Variants in THEMIS observed in about 807,000 individuals in gnomAD.
The protein encoded by THEMIS is thymocyte selection associated.
In THEMIS, 37 loss-of-function variants were observed where a neutral mutation model predicts 52.6. The ratio of observed to expected loss-of-function variants is 0.70; its 90% CI spans 0.54 to 0.93. The LOEUF is 0.93. Ranked by LOEUF, THEMIS falls within the 40% of genes least tolerant of loss-of-function variation. The pLI is 0.00. For synonymous variants in THEMIS, 292 were observed against 272.7 expected (o/e 1.07, Z -0.70); for missense variants, 808 against 763.1 (o/e 1.06, Z -0.69).
In THEMIS at chr6:127,854,873, C is replaced by T. The variant is rs187963690; in HGVS notation, c.250+157G>A. Among the ~76,000 whole-genome samples, 165 of 151,882 alleles carry T rather than the reference C, an allele frequency of 1.1e-3. 3 individuals are homozygous for T. The highest frequency in any genetic ancestry group is 9.5e-3 in the Admixed American group (144 of 15,208). On this transcript the variant is annotated intron_variant, in intron 2 of 5. Transcript: ENST00000368248. ...AAGGAGAAAATAGTTGCTTTCCATTCGTTCTTAAAATGATCAAACTATAAC... is the reference window on the plus strand; with the variant it reads ...AAGGAGAAAATAGTTGCTTTCCATTTGTTCTTAAAATGATCAAACTATAAC...
intron 3 of THEMIS, among the ~76,000 whole-genome samples, chr6:127,829,140 T>G (rs1286988506): frequency 6.6e-6 from 1 of 152,208 alleles, no homozygotes; most frequent in Non-Finnish European, 1.5e-5. Flanking sequence ...TCATTCTAAC[T>G]AAATATGTTC....
At chr6:127,751,414 CA>C (rs1008288168) in intron 4 of THEMIS, among the ~76,000 whole-genome samples, 3 of 151,552 alleles carry the variant, frequency 2.0e-5, no homozygotes. Flanking sequence ...TAATCAATCA[CA>C]AAGAAAGGCA....
Position 127,779,005 on chromosome 6 carries a change from CAT to C in THEMIS, c.1758+33876_1758+33877del, listed in dbSNP as rs1157213064. Among the ~76,000 whole-genome samples, 3 of 152,156 alleles carry C rather than the reference CAT, an allele frequency of 2.0e-5. No homozygotes were observed. The East Asian group carries it at 5.8e-4, about 29-fold the overall frequency. ...TCATGTGTTATATCTGCAGGATGTACATAGTCAGTTGTTACAACATTATCTCT... is the reference window on the plus strand; with the variant it reads ...TCATGTGTTATATCTGCAGGATGTACAGTCAGTTGTTACAACATTATCTCT... On this transcript the variant is annotated intron_variant, in intron 4 of 5. Coordinates refer to ENST00000368248, the MANE Select transcript of THEMIS (RefSeq NM_001010923.3).
chr6:127,910,993 G>C (rs1393122887), intron 1 of THEMIS, among the ~76,000 whole-genome samples: 2 of 152,034 alleles, frequency 1.3e-5, no homozygotes, highest in Non-Finnish European at 2.9e-5. Flanking sequence ...GCATTTTGTA[G>C]AATGTGCCTC....
chr6:127,833,050 C>T (rs1414394566), intron 2 of THEMIS, among the ~76,000 whole-genome samples: 2 of 151,878 alleles, frequency 1.3e-5, no homozygotes, highest in Non-Finnish European at 2.9e-5. Flanking sequence ...TCCCAAAGTG[C>T]TGGGATTACA....
At chr6:127,799,869 G>T (rs971420132) in intron 4 of THEMIS, among the ~76,000 whole-genome samples, 2 of 152,146 alleles carry the variant, frequency 1.3e-5, no homozygotes, top group Non-Finnish European at 2.9e-5. Flanking sequence ...AATTGAGGAT[G>T]ATGTATTTCA....
At chr6:127,766,293 C>T (rs987104332) in intron 4 of THEMIS, among the ~76,000 whole-genome samples, 1 of 152,110 alleles carries the variant, frequency 6.6e-6, no homozygotes, top group Admixed American at 6.6e-5. Flanking sequence ...TTCCATGTAT[C>T]CTTTTTGCCT....
chr6:127,903,220 G>T (rs1487679462), upstream of THEMIS, among the ~76,000 whole-genome samples: 3 of 151,912 alleles, frequency 2.0e-5, no homozygotes, highest in Admixed American at 1.3e-4. Flanking sequence ...CACTGCTACT[G>T]CTTTAGACCA....
intron 4 of THEMIS, among the ~76,000 whole-genome samples, chr6:127,721,010 T>C (rs1362562905): frequency 2.6e-5 from 4 of 152,008 alleles, no homozygotes; most frequent in African/African-American, 9.7e-5. Context: ...ATGTGGCTTC[T>C]TCTGGCCCAA....
At chr6:127,801,055 T>G (rs1196391233) in intron 4 of THEMIS, among the ~76,000 whole-genome samples, 2 of 152,326 alleles carry the variant, frequency 1.3e-5, no homozygotes, top group African/African-American at 4.8e-5. Flanking sequence ...ACTCTACTTC[T>G]AATAGTGTGG....
chr6:127,734,472 C>CTA (rs953416657), intron 4 of THEMIS, among the ~76,000 whole-genome samples: 2 of 152,078 alleles, frequency 1.3e-5, no homozygotes, highest in African/African-American at 2.4e-5. Context: ...GTTCATTATG[C>CTA]TATTCTCTTG....
At chr6:127,886,655 A>T (rs1486838296) in intron 1 of THEMIS, among the ~76,000 whole-genome samples, 2 of 152,096 alleles carry the variant, frequency 1.3e-5, no homozygotes, top group African/African-American at 4.8e-5. Context: ...ACACAAAAAA[A>T]CCTCGGACAT....
intron 4 of THEMIS, among the ~76,000 whole-genome samples, chr6:127,780,219 G>A (rs1776698704): frequency 6.6e-6 from 1 of 151,892 alleles, no homozygotes; most frequent in South Asian, 2.1e-4. Context: ...ATGTTTGCAG[G>A]CCCTGCTTTT....
intron 1 of THEMIS, among the ~76,000 whole-genome samples, chr6:127,860,812 T>C (rs2114330508): frequency 6.6e-6 from 1 of 152,280 alleles, no homozygotes; most frequent in African/African-American, 2.4e-5. Context: ...GAAGAATAAA[T>C]CACTGTTTCG....
At chr6:127,726,055 T>G (rs910360213) in intron 4 of THEMIS, among the ~76,000 whole-genome samples, 59 of 152,236 alleles carry the variant, frequency 3.9e-4, no homozygotes, top group African/African-American at 1.3e-3. Flanking sequence ...CCTTGCTGGC[T>G]TGGTCTGGGC....
Position 127,727,884 on chromosome 6 carries a change from C to T in THEMIS, c.1759-8061G>A, listed in dbSNP as rs369733045. Reference sequence around the variant, plus strand: ...GCACCATTTCTTTGAAACCCCTTCCCATAAAAGGCTGCTCTTCTGACCTCC... The same window carrying T: ...GCACCATTTCTTTGAAACCCCTTCCTATAAAAGGCTGCTCTTCTGACCTCC... On this transcript the variant is annotated intron_variant, in intron 4 of 5. Transcript: ENST00000368248. 3.9e-5 allele frequency among the ~76,000 whole-genome samples: 6 copies of T among 152,218 alleles called. 1 individual carries two copies. The highest frequency in any genetic ancestry group is 2.0e-4 in the Admixed American group (3 of 15,274).
At chr6:127,903,010 C>G (rs1350694538), upstream of THEMIS, among the ~76,000 whole-genome samples, 1 of 152,058 alleles carries the variant, frequency 6.6e-6, no homozygotes, top group Non-Finnish European at 1.5e-5. Flanking sequence ...CTTCTGCTCT[C>G]GCGACAGATG....
chr6:127,916,211 T>A (rs545741248), intron 1 of THEMIS, among the ~76,000 whole-genome samples: 1 of 151,646 alleles, frequency 6.6e-6, no homozygotes, highest in African/African-American at 2.4e-5. Flanking sequence ...ATGAAAAAAA[T>A]AAACCTAGGG....
chr6:127,844,012 A>T (rs1268346453), intron 2 of THEMIS, among the ~76,000 whole-genome samples: 1 of 152,046 alleles, frequency 6.6e-6, no homozygotes, highest in Non-Finnish European at 1.5e-5. Context: ...CCGATTCCTC[A>T]ACCTCATAAA....
Sources: allele counts gnomAD v4.1 joint callset (sites outside exome capture counted in the v4.1 genomes callset), GRCh38; gene constraint gnomAD v4.1.1; transcripts MANE v1.5; gene names NCBI Gene and HGNC (gene_info 2026-07-23, HGNC 2026-07-21).